The following BAZ2B variants were observed in gnomAD, a reference collection of about 807,000 sequenced individuals.
BAZ2B encodes bromodomain adjacent to zinc finger domain protein 2B.
Under a neutral mutation model 246.0 loss-of-function variants are expected in BAZ2B, and 91 were observed. That is an observed-to-expected ratio of 0.37 (90% CI 0.31 to 0.44). BAZ2B has a LOEUF of 0.44. Ranked by LOEUF, BAZ2B falls within the 20% of genes least tolerant of loss-of-function variation. The probability of loss-of-function intolerance (pLI) is 1.00; values close to 1 mark genes in which losing one functional copy is unlikely to be tolerated. For synonymous variants in BAZ2B, 855 were observed against 860.0 expected, an observed-to-expected ratio of 0.99 and a Z score of 0.10; for missense variants, 2,332 against 2,533.7, an observed-to-expected ratio of 0.92 and a Z score of 1.71.
At chr2:159,411,887 A>G (rs951956518) in intron 14 of BAZ2B, 17 of 953,478 alleles carry the variant, frequency 1.8e-5, no homozygotes, top group Non-Finnish European at 2.1e-5. Context: ...AACCCAAACT[A>G]AAAGACTGGG....
intron 2 of BAZ2B, among the ~76,000 whole-genome samples, chr2:159,494,553 G>A (rs1177103138): frequency 6.6e-6 from 1 of 152,128 alleles, no homozygotes; most frequent in Non-Finnish European, 1.5e-5. Context: ...ACTGATGAGA[G>A]CAGCTGTACA....
rs2065825896 is a variant in BAZ2B at position 159,337,199 on chromosome 2, G to A, written c.5661-122C>T. On this transcript the variant is annotated intron_variant, in intron 32 of 36. Coordinates refer to ENST00000392783, the MANE Select transcript of BAZ2B (RefSeq NM_013450.4). ...AACATGTAACAGCCAATAAGTATAAGGTTTAAGCAACTAAATTTGATGTAG... is the reference window on the plus strand; with the variant it reads ...AACATGTAACAGCCAATAAGTATAAAGTTTAAGCAACTAAATTTGATGTAG... The A allele has an allele frequency of 2.3e-6, 3 of 1,296,958 alleles. No individual in the cohort carries two copies. In the African/African-American group the frequency reaches 4.4e-5, roughly 19 times the overall value. 80.3% of individuals were successfully genotyped at this position (1,296,958 alleles called of 1,614,324 possible). A position where few individuals can be genotyped will look rare whatever the true frequency, so the allele number is the denominator to read the frequency against.
intron 2 of BAZ2B, among the ~76,000 whole-genome samples, chr2:159,527,509 T>C (rs2151298402): frequency 6.6e-6 from 1 of 152,338 alleles, no homozygotes. Flanking sequence ...TTGCATCACA[T>C]GGAGAAACTC....
chr2:159,329,386 A>G (rs2064315651), intron 34 of BAZ2B, among the ~76,000 whole-genome samples: 1 of 152,006 alleles, frequency 6.6e-6, no homozygotes, highest in Non-Finnish European at 1.5e-5. Flanking sequence ...AGCATCTGTG[A>G]CTCTGGTATC....
intron 2 of BAZ2B, among the ~76,000 whole-genome samples, chr2:159,551,359 C>T (rs2088197118): frequency 6.6e-6 from 1 of 151,174 alleles, no homozygotes; most frequent in African/African-American, 2.4e-5. Flanking sequence ...GTCCCACCTA[C>T]TCAGGAGGCT....
downstream of BAZ2B, among the ~76,000 whole-genome samples, chr2:159,317,997 CT>C (rs1293611978): frequency 6.6e-6 from 1 of 152,102 alleles, no homozygotes; most frequent in Non-Finnish European, 1.5e-5. Context: ...TTTACCAAGC[CT>C]TTCTTTTTTT....
chr2:159,699,659 T>A, the BAZ2B span, among the ~76,000 whole-genome samples: 2 of 152,234 alleles, frequency 1.3e-5, no homozygotes, highest in African/African-American at 2.4e-5. Context: ...AGCACTTTGA[T>A]TAATCAGTCA....
intron 3 of BAZ2B, among the ~76,000 whole-genome samples, chr2:159,470,097 C>T (rs927661602): frequency 2.0e-5 from 3 of 152,126 alleles, no homozygotes; most frequent in African/African-American, 7.2e-5. Context: ...CCCATCATAA[C>T]CAAGTGGGAT....
chr2:159,692,425 T>C, the BAZ2B span, among the ~76,000 whole-genome samples: 1 of 152,204 alleles, frequency 6.6e-6, no homozygotes, highest in South Asian at 2.1e-4. Flanking sequence ...CCCAAAGCGC[T>C]GGGATTACAG....
intron 2 of BAZ2B, among the ~76,000 whole-genome samples, chr2:159,547,112 G>T (rs2087465468): frequency 6.6e-6 from 1 of 152,052 alleles, no homozygotes; most frequent in Non-Finnish European, 1.5e-5. Flanking sequence ...AAAGTTGAGG[G>T]GTTTCTCTTG....
At chr2:159,453,454 A>C (rs2075344504) in intron 4 of BAZ2B, among the ~76,000 whole-genome samples, 159 bp downstream of exon 4, 2 of 152,176 alleles carry the variant, frequency 1.3e-5, no homozygotes, top group Admixed American at 1.3e-4. Flanking sequence ...AGGGTGTTTA[A>C]TTTTTTGCAC....
At chr2:159,603,650 A>G (rs72960300) in intron 1 of BAZ2B, among the ~76,000 whole-genome samples, 9,602 of 151,778 alleles carry the variant, frequency 0.063, 378 homozygotes, top group Non-Finnish European at 0.091. Flanking sequence ...GAAACTACCA[A>G]ATTTCTTTTC....
chr2:159,455,142 G>C lies in BAZ2B; in HGVS notation c.146-1341C>G, dbSNP rs74357238. 2.0e-3 allele frequency among the ~76,000 whole-genome samples: 304 copies of C among 152,186 alleles called. 9 individuals carry two copies. In the East Asian group the frequency reaches 0.053, roughly 26 times the overall value. On this transcript the variant is annotated intron_variant, in intron 3 of 36. Coordinates refer to ENST00000392783, the MANE Select transcript of BAZ2B (RefSeq NM_013450.4). The stretch of plus-strand genomic sequence containing the variant: ...TGTTTATATTATATCAGTCCTGACT[G>C]TGCACTGCAATTTAATTAGTTTTAA...
At chr2:159,495,271 G>A (rs1211004996) in intron 2 of BAZ2B, among the ~76,000 whole-genome samples, 1 of 151,336 alleles carries the variant, frequency 6.6e-6, no homozygotes, top group Non-Finnish European at 1.5e-5. Flanking sequence ...GGATCACGAG[G>A]TCAGGAGATC....
chr2:159,504,541 T>C (rs879590064), intron 2 of BAZ2B, among the ~76,000 whole-genome samples: 2 of 152,166 alleles, frequency 1.3e-5, no homozygotes, highest in Non-Finnish European at 2.9e-5. Flanking sequence ...AAGAAATCTA[T>C]TTGTGCCAAT....
At chr2:159,481,514 T>C (rs1158698859) in intron 2 of BAZ2B, among the ~76,000 whole-genome samples, 1 of 151,782 alleles carries the variant, frequency 6.6e-6, no homozygotes, top group African/African-American at 2.4e-5. Flanking sequence ...AGAAACAGGA[T>C]ATTTGCATAG....
chr2:159,640,823 CA>C, the BAZ2B span, among the ~76,000 whole-genome samples: 1 of 147,004 alleles, frequency 6.8e-6, no homozygotes, highest in Non-Finnish European at 1.5e-5. Context: ...CAGGATGAAA[CA>C]TTTAAAAAAA....
At chr2:159,386,756 G>A in intron 21 of BAZ2B, 149 bp from the exon 22 acceptor site, 1 of 920,472 alleles carries the variant, frequency 1.1e-6, no homozygotes, top group South Asian at 1.9e-5. Context: ...AAATTCTCTG[G>A]GGGCATTTCT....
chr2:159,625,419 G>T, the BAZ2B span, among the ~76,000 whole-genome samples: 1 of 152,178 alleles, frequency 6.6e-6, no homozygotes, highest in Non-Finnish European at 1.5e-5. Context: ...GTTAAGGGCA[G>T]CCAGACAGAA....
Sources: gnomAD v4.1 joint callset for allele counts (sites outside exome capture counted in the v4.1 genomes callset) on GRCh38, gnomAD v4.1.1 for gene constraint, MANE v1.5 for transcripts, NCBI Gene and HGNC (gene_info 2026-07-23, HGNC 2026-07-21) for gene names.